Variants in CHRNA6 observed in about 807,000 individuals in gnomAD.
CHRNA6 encodes cholinergic receptor nicotinic alpha 6 subunit.
Under a neutral mutation model 40.9 loss-of-function variants are expected in CHRNA6, and 31 were observed. The ratio of observed to expected loss-of-function variants is 0.76; its 90% CI spans 0.57 to 1.02. The LOEUF (loss-of-function observed/expected upper bound fraction) is 1.02. Ranked by LOEUF, CHRNA6 falls within the 50% of genes least tolerant of loss-of-function variation. The pLI is 0.00. For missense variants in CHRNA6, 546 were observed against 596.6 expected, an observed-to-expected ratio of 0.92 and a Z score of 0.88; for synonymous variants, 222 against 221.3, an observed-to-expected ratio of 1.00 and a Z score of -0.03.
chr8:42,756,399 T>G lies in CHRNA6; in HGVS notation c.800A>C (p.Asp267Ala). 1 of 1,614,080 alleles carries G rather than the reference T, an allele frequency of 6.2e-7. No homozygotes were observed. The highest frequency in any genetic ancestry group is 1.6e-4 in the Middle Eastern group (1 of 6,062). The change falls in exon 5 of 6, where the codon GAC (aspartate) becomes GCC (alanine). Residue 267 changes from aspartate to alanine, a missense_variant. By Grantham distance (126) the Asp-to-Ala change is moderately radical. Transcript: ENST00000276410. ...ACAAAGCGTCACTTTTTCACCACAG[T>G]CCGAAGGAAGGTAAAAGACCAACAC... ...LTVLVFYLPS[D>A]CGEKVTLCIS...
chr8:42,763,244 A>C (rs1322158739), intron 2 of CHRNA6, among the ~76,000 whole-genome samples: 1 of 152,190 alleles, frequency 6.6e-6, no homozygotes, highest in African/African-American at 2.4e-5. Context: ...ATGCCTTTAG[A>C]ATCACAGTCC....
chr8:42,765,832 A>T (rs1446789499), intron 1 of CHRNA6, among the ~76,000 whole-genome samples: 1 of 152,216 alleles, frequency 6.6e-6, no homozygotes, highest in Non-Finnish European at 1.5e-5. Context: ...AACAACACTG[A>T]TCATTAGAGA....
At chr8:42,768,273 T>G (rs1391617911) in intron 1 of CHRNA6, 79 bp downstream of exon 1, 1 of 1,161,840 alleles carries the variant, frequency 8.6e-7, no homozygotes, top group African/African-American at 1.5e-5. Flanking sequence ...TTAATATATC[T>G]TCTCAAGCAC....
intron 2 of CHRNA6, among the ~76,000 whole-genome samples, chr8:42,762,699 C>T (rs1414447346): frequency 3.3e-5 from 5 of 152,050 alleles, no homozygotes; most frequent in Admixed American, 6.6e-5. Flanking sequence ...TGGAGTACTA[C>T]TCAGCAACAA....
chr8:42,760,509 C>G (rs1342650401), intron 2 of CHRNA6, among the ~76,000 whole-genome samples: 3 of 151,998 alleles, frequency 2.0e-5, no homozygotes, highest in East Asian at 1.9e-4. Flanking sequence ...CTCACTCATG[C>G]ACATGCACAC....
rs758336371 is a variant in CHRNA6 at position 42,756,320 on chromosome 8, G to T, written c.879C>A (p.Ile293=). Reference sequence around the variant, plus strand: ...GTGGGACCACCAGAGATGTGGATGGGATGGTTTCTGTGATGACCAGCAAAA... The same window carrying T: ...GTGGGACCACCAGAGATGTGGATGGTATGGTTTCTGTGATGACCAGCAAAA... ...TVFLLVITET[I]PSTSLVVPLV... is the part of the protein sequence containing the mutation. The change falls in exon 5 of 6, where the codon ATC becomes ATA. Residue 293 remains isoleucine (I), a synonymous_variant. Transcript: ENST00000276410. 2 of 1,614,272 alleles carry T rather than the reference G, an allele frequency of 1.2e-6. No homozygotes were observed. The highest frequency in any genetic ancestry group is 1.7e-5 in the Admixed American group (1 of 60,032).
Position 42,756,690 on chromosome 8 carries a change from T to A in CHRNA6, c.509A>T (p.Gln170Leu). 6.2e-7 allele frequency: 1 copy of A among 1,614,200 alleles called. No individual in the cohort carries two copies. Among genetic ancestry groups the A allele is most frequent in the East Asian group, 2.2e-5 (1 of 44,884 alleles). Reference protein sequence around the residue: ...MDITFFPFDHQNCSLKFGSWT... With the variant: ...MDITFFPFDHLNCSLKFGSWT... ...GGAACCAAATTTTAGGGAACAGTTTTGATGATCAAAAGGGAAAAAGGTGAT... is the reference window on the plus strand; with the variant it reads ...GGAACCAAATTTTAGGGAACAGTTTAGATGATCAAAAGGGAAAAAGGTGAT... The change falls in exon 5 of 6, where the codon CAA becomes CTA. Residue 170 changes from glutamine to leucine, a missense_variant. By Grantham distance (113) the Gln-to-Leu change is moderately radical. Transcript: ENST00000276410.
At position 42,768,490 on chromosome 8, in the gene CHRNA6, A is replaced by G; in HGVS notation, c.-60T>C. ...AAAGGATTGTGGAAAACAAAGAGCT[A>G]TCAGTCAGCCACATGCATCCAACCT... On this transcript the variant is annotated 5_prime_UTR_variant, in exon 1 of 6. Coordinates refer to ENST00000276410, the MANE Select transcript of CHRNA6 (RefSeq NM_004198.3). 1 of 1,368,324 alleles carries G rather than the reference A, an allele frequency of 7.3e-7. No homozygotes were observed. Among genetic ancestry groups the G allele is most frequent in the Non-Finnish European group, 1.0e-6 (1 of 957,582 alleles). The allele number at this position is 1,368,324 out of a possible 1,614,324, so 84.8% of individuals were successfully genotyped here. A position where few individuals can be genotyped will look rare whatever the true frequency, so the allele number is the denominator to read the frequency against.
chr8:42,753,175 C>A lies in CHRNA6; in HGVS notation c.*4G>T. ...AAATTTCTGAACATAAAAGAAAATA[C>A]ATTTTAAGATTTTCCTGTGTTCCCA... On this transcript the variant is annotated 3_prime_UTR_variant, in exon 6 of 6. Coordinates refer to ENST00000276410, the MANE Select transcript of CHRNA6 (RefSeq NM_004198.3). 6.3e-7 allele frequency: 1 copy of A among 1,589,198 alleles called. No homozygotes were observed. Among genetic ancestry groups the A allele is most frequent in the East Asian group, 2.2e-5 (1 of 44,710 alleles).
At chr8:42,757,805 G>A (rs550359200) in intron 3 of CHRNA6, among the ~76,000 whole-genome samples, 1 of 151,450 alleles carries the variant, frequency 6.6e-6, no homozygotes, top group Admixed American at 6.6e-5. Flanking sequence ...AGGCCGAGGC[G>A]TGCAGATCAC....
intron 3 of CHRNA6, among the ~76,000 whole-genome samples, chr8:42,757,772 G>A (rs1452612898): frequency 6.9e-6 from 1 of 145,860 alleles, no homozygotes; most frequent in Non-Finnish European, 1.5e-5. Context: ...GATGGCTCAC[G>A]CCTGTAATCC....
rs1255880571 is a variant in CHRNA6, at chr8:42,768,752, G to C, written c.-322C>G. 4.2e-6 allele frequency: 1 copy of C among 237,156 alleles called. No individual in the cohort carries two copies. The highest frequency in any genetic ancestry group is 8.4e-6 in the Non-Finnish European group (1 of 119,168). 14.7% of individuals were successfully genotyped at this position (237,156 alleles called of 1,614,324 possible). The stretch of plus-strand genomic sequence containing the variant: ...AATGCTGGGGCAGACAGGACCCCGG[G>C]AGGATGAACACCTGTGAGTGGCTGA... On this transcript the variant is annotated 5_prime_UTR_variant, in exon 1 of 6. Transcript: ENST00000276410.
At chr8:42,758,935 T>TATTACCA (rs1816853180) in intron 3 of CHRNA6, 134 bp downstream of exon 3, 5 of 704,000 alleles carry the variant, frequency 7.1e-6, no homozygotes, top group Middle Eastern at 2.5e-4. Context: ...TTACCAGAGC[T>TATTACCA]GAACTTTAGG....
rs796262202 is a variant in CHRNA6 at position 42,758,962 on chromosome 8, G to C, written c.264+107C>G. 7.9e-6 allele frequency: 7 copies of C among 885,420 alleles called. No individual in the cohort carries two copies. In the South Asian group the frequency reaches 8.6e-5, roughly 11 times the overall value. 54.8% of individuals were successfully genotyped at this position (885,420 alleles called of 1,614,324 possible). On this transcript the variant is annotated intron_variant, in intron 3 of 5. Transcript: ENST00000276410. ...AACTTTAGGCTTTGGAGATGACCTA[G>C]TGGATAATATTTTATATTCTATAAC...
Position 42,753,224 on chromosome 8 carries a change from T to C in CHRNA6, c.1440A>G (p.Ala480=). ...CAAGTAGTGGCTGTAGAAATAGCCC[T>C]GCAGTTCCAAATACACAGACAATTA... ...VFIIVCVFGT[A]GLFLQPLLGN... The change falls in exon 6 of 6, where the codon GCA becomes GCG. Residue 480 remains alanine, a synonymous_variant. Transcript: ENST00000276410. The C allele has an allele frequency of 6.2e-7, 1 of 1,611,568 alleles. No individual in the cohort carries two copies. The highest frequency in any genetic ancestry group is 8.5e-7 in the Non-Finnish European group (1 of 1,178,742).
At position 42,756,820 on chromosome 8, in the gene CHRNA6, C is replaced by A. The variant is rs756407019; in HGVS notation, c.379G>T (p.Val127Phe). ...KPDIVLYNNA[V>F]GDFQVEGKTK... is the part of the protein sequence containing the mutation. ...TTGCCTTCTACTTGGAAGTCACCAACAGCACTGCAAAGCAAGTCAGACACC... is the reference window on the plus strand; with the variant it reads ...TTGCCTTCTACTTGGAAGTCACCAAAAGCACTGCAAAGCAAGTCAGACACC... Residue 127 changes from valine (V) to phenylalanine (F), a missense_variant, in exon 5 of 6, where the codon GTT becomes TTT. Val to Phe is a conservative substitution (Grantham distance 50). Around this residue, in one of 3 missense-constraint regions of CHRNA6, gnomAD observed 476 missense variants for 494.5 expected, o/e 0.96. Transcript: ENST00000276410. 18 of 1,606,962 alleles carry A rather than the reference C, an allele frequency of 1.1e-5. No individual in the cohort carries two copies. The highest frequency in any genetic ancestry group is 1.4e-5 in the Non-Finnish European group (17 of 1,177,564).
intron 3 of CHRNA6, 118 bp from the exon 4 acceptor site, chr8:42,757,155 C>G: frequency 1.4e-6 from 1 of 698,382 alleles, no homozygotes. Flanking sequence ...CACTTGAGGT[C>G]AGGAGGTCGA....
intron 3 of CHRNA6, among the ~76,000 whole-genome samples, chr8:42,758,501 G>A (rs1011936197): frequency 6.6e-6 from 1 of 151,700 alleles, no homozygotes; most frequent in African/African-American, 2.4e-5. Flanking sequence ...CTGGGATTAC[G>A]GGCACCCACC....
intron 3 of CHRNA6, 131 bp from the exon 4 acceptor site, chr8:42,757,168 C>T: frequency 1.6e-6 from 1 of 637,510 alleles, no homozygotes; most frequent in Non-Finnish European, 2.7e-6. Flanking sequence ...GAGGTCGAGA[C>T]CAGCCTGGCC....
Sources: allele counts gnomAD v4.1 joint callset (sites outside exome capture counted in the v4.1 genomes callset), GRCh38; gene constraint gnomAD v4.1.1; regional missense constraint gnomAD v4.1.1; transcripts MANE v1.5; gene names NCBI Gene and HGNC (gene_info 2026-07-23, HGNC 2026-07-21).